SMG6: variants seen among roughly 807,000 people sequenced by gnomAD.
SMG6 encodes the protein telomerase-binding protein EST1A.
A neutral mutation model predicts 142.2 loss-of-function variants in SMG6; 66 were observed. The observed-to-expected ratio is 0.46, with a 90% CI of 0.38 to 0.57. The LOEUF (loss-of-function observed/expected upper bound fraction) is 0.57, where lower values mean the gene tolerates loss of function less well. SMG6 is among the 20% of genes least tolerant of loss of function. SMG6 has a pLI of 0.00. For synonymous variants in SMG6, 779 were observed against 702.4 expected (o/e 1.11, Z -1.72); for missense variants, 1,793 against 1,832.0 (o/e 0.98, Z 0.39).
chr17:2,134,579 G>A (rs2070232695), intron 13 of SMG6, among the ~76,000 whole-genome samples: 1 of 152,112 alleles, frequency 6.6e-6, no homozygotes, highest in South Asian at 2.1e-4. Context: ...TGTTAACAAT[G>A]AAGGCATAAA....
intron 11 of SMG6, 90 bp from the exon 12 acceptor site, chr17:2,186,921 G>C: frequency 7.2e-7 from 1 of 1,396,826 alleles, no homozygotes; most frequent in Non-Finnish European, 9.8e-7. Flanking sequence ...AGCTCTTAGG[G>C]AAGGGAGACC....
At chr17:2,288,346 G>C (rs1315188462) in intron 6 of SMG6, among the ~76,000 whole-genome samples, 1 of 150,480 alleles carries the variant, frequency 6.6e-6, no homozygotes, top group Non-Finnish European at 1.5e-5. Context: ...CAGCCCGGGA[G>C]TGGTGGCTCA....
In SMG6 at chr17:2,299,195, A is replaced by G. The variant is rs983313126; in HGVS notation, c.1558T>C (p.Tyr520His). The G allele has an allele frequency of 4.3e-6, 7 of 1,613,548 alleles. No individual in the cohort carries two copies. In the South Asian group the frequency reaches 7.7e-5, roughly 18 times the overall value. Residue 520 changes from tyrosine to histidine, a missense_variant, in exon 2 of 19, where the codon TAT (tyrosine) becomes CAT (histidine). This residue lies in a region of SMG6 where 1,597 missense variants were observed against 1,584.6 expected (regional missense o/e 1.01). Coordinates refer to ENST00000263073, the MANE Select transcript of SMG6 (RefSeq NM_017575.5). This position sits in a 1 kb window ranked among gnomAD's most constrained non-coding sequence, Gnocchi z 4.3. ...YPRTPGPASQ[Y>H]PYTGYNPLQY... is the part of the protein sequence containing the mutation. ...AGAGGGTTATAGCCCGTATAGGGAT[A>G]CTGGGAGGCAGGGCCTGGTGTCCGG...
At chr17:2,214,390 G>A (rs1284813057) in intron 10 of SMG6, 2 of 144,100 alleles carry the variant, frequency 1.4e-5, no homozygotes, top group Admixed American at 1.5e-4. Flanking sequence ...TCCCGAAGAA[G>A]AAAAACAAAC....
chr17:2,185,629 T>C (rs2071955809), intron 12 of SMG6, among the ~76,000 whole-genome samples: 1 of 151,958 alleles, frequency 6.6e-6, no homozygotes, highest in South Asian at 2.1e-4. Flanking sequence ...ACAAATGCTC[T>C]GAGAGATGCC....
chr17:2,230,994 A>T (rs764571883), intron 10 of SMG6, among the ~76,000 whole-genome samples: 1 of 152,122 alleles, frequency 6.6e-6, no homozygotes, highest in Non-Finnish European at 1.5e-5. Flanking sequence ...CCAGAGATGT[A>T]GGAGGAGGAA....
intron 8 of SMG6, 45 bp from the exon 9 acceptor site, chr17:2,244,764 A>T (rs1371556980): frequency 6.5e-7 from 1 of 1,534,168 alleles, no homozygotes; most frequent in African/African-American, 1.4e-5. Context: ...AACTTTCCCC[A>T]GTTTCCTGTT....
chr17:2,152,832 G>A (rs2070868790), intron 13 of SMG6, among the ~76,000 whole-genome samples: 1 of 151,728 alleles, frequency 6.6e-6, no homozygotes, highest in Non-Finnish European at 1.5e-5. Context: ...TTATCCAAGA[G>A]AAATGAAAAC....
chr17:2,151,429 A>G (rs2070821697), intron 13 of SMG6, among the ~76,000 whole-genome samples: 1 of 152,160 alleles, frequency 6.6e-6, no homozygotes, highest in South Asian at 2.1e-4. Flanking sequence ...CAAATAACTG[A>G]GATTCACGAA....
chr17:2,208,246 C>G (rs908910637), intron 10 of SMG6, among the ~76,000 whole-genome samples: 5 of 152,214 alleles, frequency 3.3e-5, no homozygotes, highest in African/African-American at 9.6e-5. Context: ...CCTACCCCCA[C>G]TCTCCACAGT....
chr17:2,147,990 C>T lies in SMG6; in HGVS notation c.3357+24668G>A, dbSNP rs150848521. Among the ~76,000 whole-genome samples, 1,099 of 152,088 alleles carry T rather than the reference C, an allele frequency of 7.2e-3. 20 individuals are homozygous for T. The highest frequency in any genetic ancestry group is 5.6e-3 in the Non-Finnish European group (380 of 67,964). On this transcript the variant is annotated intron_variant, in intron 13 of 18. Coordinates refer to ENST00000263073, the MANE Select transcript of SMG6 (RefSeq NM_017575.5). ...GGATCGCTTGAGCTCAGGAGTTCGACACCAGCCTGGGCAACATGGTGAAAC... is the reference window on the plus strand; with the variant it reads ...GGATCGCTTGAGCTCAGGAGTTCGATACCAGCCTGGGCAACATGGTGAAAC...
intron 13 of SMG6, among the ~76,000 whole-genome samples, chr17:2,114,693 C>T (rs896848688): frequency 3.3e-5 from 5 of 151,932 alleles, no homozygotes; most frequent in South Asian, 4.1e-4. Context: ...CTTTGGGGGG[C>T]CAAGGCGGGT....
At chr17:2,292,682 C>T (rs2075064584) in intron 5 of SMG6, 52 bp from the exon 6 acceptor site, 4 of 1,592,554 alleles carry the variant, frequency 2.5e-6, no homozygotes, top group Non-Finnish European at 3.4e-6. Flanking sequence ...AGCTTTTTCC[C>T]AATTCATCCT....
intron 14 of SMG6, among the ~76,000 whole-genome samples, chr17:2,084,844 A>G (rs114939742): frequency 6.6e-6 from 1 of 152,382 alleles, no homozygotes; most frequent in African/African-American, 2.4e-5. Context: ...ACATCCAGAC[A>G]GAAATACCCA....
chr17:2,262,514 T>TTTCGAACC (rs990416001), intron 8 of SMG6, among the ~76,000 whole-genome samples: 14 of 152,166 alleles, frequency 9.2e-5, no homozygotes, highest in African/African-American at 3.4e-4. Flanking sequence ...TTCCTTGCAG[T>TTTCGAACC]TTCGAACCAT....
chr17:2,260,096 C>G (rs978505277), intron 8 of SMG6, among the ~76,000 whole-genome samples: 3 of 152,200 alleles, frequency 2.0e-5, no homozygotes, highest in Admixed American at 6.5e-5. Context: ...TGTATCTGCT[C>G]TTTATCAACA....
At chr17:2,291,295 C>T (rs1229327399) in intron 6 of SMG6, among the ~76,000 whole-genome samples, 1 of 151,430 alleles carries the variant, frequency 6.6e-6, no homozygotes, top group Non-Finnish European at 1.5e-5. Context: ...CGCGCCACTG[C>T]ACTCCAGCCT....
intron 12 of SMG6, among the ~76,000 whole-genome samples, chr17:2,186,314 T>TCA (rs2071982986): frequency 1.3e-5 from 2 of 149,594 alleles, no homozygotes; most frequent in Non-Finnish European, 1.5e-5. Flanking sequence ...ATACAAAGTC[T>TCA]CACACACACA....
Position 2,292,928 on chromosome 17 carries a change from T to G in SMG6, c.2201A>C (p.Asp734Ala). 1 of 1,614,096 alleles carries G rather than the reference T, an allele frequency of 6.2e-7. No individual in the cohort carries two copies. Among genetic ancestry groups the G allele is most frequent in the Non-Finnish European group, 8.5e-7 (1 of 1,180,000 alleles). Residue 734 changes from aspartate to alanine, a missense_variant, in exon 5 of 19, where the codon GAT (aspartate) becomes GCT (alanine). Asp to Ala is a moderately radical substitution (Grantham distance 126, BLOSUM62 -2). This residue lies in a region of SMG6 where 1,597 missense variants were observed against 1,584.6 expected (regional missense o/e 1.01). Coordinates refer to ENST00000263073, the MANE Select transcript of SMG6 (RefSeq NM_017575.5). ...SAQRCMICQGDIARYREQASD... is the reference protein window; with the variant it reads ...SAQRCMICQGAIARYREQASD... ...GGCTTGCTCCCGGTACCTAGCAATATCTCCTTGGCATATCATGCATCGCTG... is the reference window on the plus strand; with the variant it reads ...GGCTTGCTCCCGGTACCTAGCAATAGCTCCTTGGCATATCATGCATCGCTG...
Sources: gnomAD v4.1 joint callset for allele counts (sites outside exome capture counted in the v4.1 genomes callset) on GRCh38, gnomAD v4.1.1 for gene constraint, gnomAD v4.1.1 regional missense constraint, Gnocchi (gnomAD v3.1) non-coding constraint, MANE v1.5 for transcripts, NCBI Gene and HGNC (gene_info 2026-07-23, HGNC 2026-07-21) for gene names.